ABCC5: variants seen among roughly 807,000 people sequenced by gnomAD.
ABCC5 encodes ATP binding cassette subfamily C member 5.
In ABCC5, 61 loss-of-function variants were observed where a neutral mutation model predicts 160.9. That is an observed-to-expected ratio of 0.38 (90% CI 0.31 to 0.47). The LOEUF is 0.47. Ranked by LOEUF, ABCC5 falls within the 20% of genes least tolerant of loss-of-function variation. The probability of loss-of-function intolerance (pLI) is 0.99; values close to 1 mark genes in which losing one functional copy is unlikely to be tolerated. For synonymous variants in ABCC5, 666 were observed against 700.6 expected (o/e 0.95, Z 0.78); for missense variants, 1,308 against 1,813.3 (o/e 0.72, Z 5.06).
chr3:183,961,487 C>T, intron 16 of ABCC5, 24 bp downstream of exon 16: 2 of 1,612,152 alleles, frequency 1.2e-6, no homozygotes, highest in Non-Finnish European at 8.5e-7. Flanking sequence ...GAAGGGGACA[C>T]ACGCAAACAC....
Position 183,959,821 on chromosome 3 carries a change from C to CT in ABCC5, c.2393dup (p.Glu799GlyfsTer15). ...ACTTCTTCTGTGAACCACTGGTTTC[C>CT]TTTTTTGAATTGATCTAATAATATT... On this transcript the variant is annotated frameshift_variant, in exon 17 of 30. Transcript: ENST00000334444. LOFTEE classifies it high-confidence loss of function. The CT allele has an allele frequency of 1.2e-6, 2 of 1,608,876 alleles. No homozygotes were observed. The highest frequency in any genetic ancestry group is 1.1e-5 in the South Asian group (1 of 89,938).
Position 183,963,298 on chromosome 3 carries a change from T to C in ABCC5, c.2235+87A>G. On this transcript the variant is annotated intron_variant, in intron 15 of 29. Coordinates refer to ENST00000334444, the MANE Select transcript of ABCC5 (RefSeq NM_005688.4). The surrounding 1 kb of genome is among the most constrained non-coding windows in gnomAD (Gnocchi z 4.6). ...CCTTGATTCCAGGAATTTCTAGTTA[T>C]AACACAAGGATACCTGGAGCAAACC... The C allele has an allele frequency of 7.1e-7, 1 of 1,401,960 alleles. No individual in the cohort carries two copies. Among genetic ancestry groups the C allele is most frequent in the Non-Finnish European group, 1.0e-6 (1 of 991,952 alleles). 86.8% of individuals were successfully genotyped at this position (1,401,960 alleles called of 1,614,324 possible).
chr3:184,010,266 CAAAAAAAAAAAAAAA>C, intron 2 of ABCC5, among the ~76,000 whole-genome samples: 1 of 74,450 alleles, frequency 1.3e-5, no homozygotes, highest in South Asian at 5.0e-4. Flanking sequence ...GACTTCGTCT[CAAAAAAAAAAAAAAA>C]AAAAAAAAGT....
intron 2 of ABCC5, among the ~76,000 whole-genome samples, chr3:184,001,943 A>C (rs1275223945): frequency 6.6e-6 from 1 of 152,200 alleles, no homozygotes; most frequent in Non-Finnish European, 1.5e-5. Context: ...AGGGAAAAAT[A>C]CTGGCAGATC....
At position 183,973,040 on chromosome 3, in the gene ABCC5, T is replaced by C. The variant is rs555894606; in HGVS notation, c.1405-1121A>G. Among the ~76,000 whole-genome samples the C allele has an allele frequency of 2.8e-3, 406 of 147,546 alleles. 3 individuals are homozygous for C. Among genetic ancestry groups the C allele is most frequent in the African/African-American group, 9.8e-3 (391 of 39,848 alleles). ...CAGCCCAGGATTTTCCCGTAAGACT[T>C]TGAATCCACTTTTTTTTTTTTTTTT... On this transcript the variant is annotated intron_variant, in intron 10 of 29. Transcript: ENST00000334444.
chr3:183,946,466 T>C (rs1210484405), intron 23 of ABCC5, among the ~76,000 whole-genome samples: 1 of 152,218 alleles, frequency 6.6e-6, no homozygotes, highest in African/African-American at 2.4e-5. Context: ...TGGCTGGACA[T>C]CTCGGGGTAT....
At chr3:183,971,351 G>C (rs1219786734) in intron 11 of ABCC5, among the ~76,000 whole-genome samples, 1 of 152,238 alleles carries the variant, frequency 6.6e-6, no homozygotes, top group South Asian at 2.1e-4. Flanking sequence ...CTTATAAAAT[G>C]ATCACCTCAT....
Position 183,985,760 on chromosome 3 carries a change from C to T in ABCC5, c.591+2010G>A. The T allele has an allele frequency of 1.0e-5, 3 of 298,096 alleles. 1 individual carries two copies. The highest frequency in any genetic ancestry group is 6.6e-5 in the South Asian group (2 of 30,218). 18.5% of individuals were successfully genotyped at this position (298,096 alleles called of 1,614,324 possible). On this transcript the variant is annotated intron_variant, in intron 5 of 29. Coordinates refer to ENST00000334444, the MANE Select transcript of ABCC5 (RefSeq NM_005688.4). ...GGTACTCCATTAACATTACTATGAC[C>T]CCCGGGCACCCTGCACATATAGCGG...
rs58948886 is a variant in ABCC5 at position 183,980,997 on chromosome 3, G to A, written c.1147+730C>T. Among the ~76,000 whole-genome samples the A allele has an allele frequency of 7.7e-3, 1,177 of 152,294 alleles. 15 individuals are homozygous for A. Among genetic ancestry groups the A allele is most frequent in the African/African-American group, 0.027 (1,125 of 41,554 alleles). ...CAAACTGCTGGGATTACAGGCGTGA[G>A]CCACTGGCGCCTGGCCTGAACACTG... On this transcript the variant is annotated intron_variant, in intron 8 of 29. Coordinates refer to ENST00000334444, the MANE Select transcript of ABCC5 (RefSeq NM_005688.4).
rs1198073765 is a variant in ABCC5, at chr3:183,961,639, C to T, written c.2251G>A (p.Asp751Asn). ...CCCTCTTTCATGAAGATCACTTCAT[C>T]ACAGTCAACCAGGTACTGAAGGCAA... ...THQLQYLVDC[D>N]EVIFMKEGCI... Residue 751 changes from aspartate (D) to asparagine (N), a missense_variant, in exon 16 of 30, where the codon GAT becomes AAT. By Grantham distance (23) the Asp-to-Asn change is conservative. Around this residue, in one of 3 missense-constraint regions of ABCC5, gnomAD observed 1,142 missense variants for 1,527.1 expected, o/e 0.75. Coordinates refer to ENST00000334444, the MANE Select transcript of ABCC5 (RefSeq NM_005688.4). The T allele has an allele frequency of 6.2e-7, 1 of 1,614,222 alleles. No individual in the cohort carries two copies. Among genetic ancestry groups the T allele is most frequent in the South Asian group, 1.1e-5 (1 of 91,086 alleles).
intron 12 of ABCC5, chr3:183,967,321 T>C: frequency 4.6e-6 from 1 of 219,162 alleles, no homozygotes; most frequent in South Asian, 7.2e-5. Flanking sequence ...CCGCCCTGCT[T>C]CTTTACAGGT....
intron 5 of ABCC5, chr3:183,984,937 A>G: frequency 6.6e-7 from 1 of 1,521,042 alleles, no homozygotes; most frequent in Non-Finnish European, 8.8e-7. Flanking sequence ...CTTCCTTCCC[A>G]TACCTTTAGA....
chr3:183,952,080 C>A, intron 18 of ABCC5, 77 bp from the exon 19 acceptor site: 1 of 1,513,922 alleles, frequency 6.6e-7, no homozygotes, highest in Non-Finnish European at 9.0e-7. Flanking sequence ...ATTCTCAGCT[C>A]AAGGGCAGGG....
intron 24 of ABCC5, among the ~76,000 whole-genome samples, chr3:183,943,631 G>A (rs565343666): frequency 7.2e-5 from 11 of 152,176 alleles, no homozygotes; most frequent in Middle Eastern, 3.4e-3. Flanking sequence ...TAGCCTTATG[G>A]GGGGAAGTAA....
intron 25 of ABCC5, among the ~76,000 whole-genome samples, chr3:183,940,479 A>AAAAG (rs1714215582): frequency 6.6e-6 from 1 of 150,984 alleles, no homozygotes; most frequent in Admixed American, 6.6e-5. Flanking sequence ...AAAAAAAAAA[A>AAAAG]AAAAAAAAAT....
At chr3:183,937,813 C>T (rs1713889781) in intron 26 of ABCC5, 88 bp downstream of exon 26, 2 of 1,441,320 alleles carry the variant, frequency 1.4e-6, no homozygotes, top group South Asian at 1.3e-5. Context: ...GCTCATGGTC[C>T]CAGGGGGCGG....
chr3:183,924,163 T>C (rs1712291960), intron 29 of ABCC5, among the ~76,000 whole-genome samples: 1 of 152,002 alleles, frequency 6.6e-6, no homozygotes, highest in African/African-American at 2.4e-5. Context: ...GGATTACAGG[T>C]GTGTGCCACC....
intron 26 of ABCC5, among the ~76,000 whole-genome samples, chr3:183,933,315 C>T (rs555687981): frequency 5.1e-4 from 77 of 152,124 alleles, no homozygotes; most frequent in Non-Finnish European, 1.1e-3. Context: ...TCACAGGGGA[C>T]GAAGACTCAA....
intron 23 of ABCC5, among the ~76,000 whole-genome samples, chr3:183,946,261 T>C (rs1157370003): frequency 6.6e-6 from 1 of 152,234 alleles, no homozygotes; most frequent in South Asian, 2.1e-4. Flanking sequence ...TGAGCCTGTT[T>C]GTGGGAGTCA....
Sources: allele counts gnomAD v4.1 joint callset (sites outside exome capture counted in the v4.1 genomes callset), GRCh38; gene constraint gnomAD v4.1.1; regional missense constraint gnomAD v4.1.1; non-coding constraint Gnocchi (gnomAD v3.1); transcripts MANE v1.5; gene names NCBI Gene and HGNC (gene_info 2026-07-23, HGNC 2026-07-21).